The following TENM2 variants were observed in gnomAD, a reference collection of about 807,000 sequenced individuals.
TENM2 encodes the protein teneurin transmembrane protein 2.
A neutral mutation model predicts 245.2 loss-of-function variants in TENM2; 52 were observed. The observed-to-expected ratio is 0.21, with a 90% CI of 0.17 to 0.27. TENM2 has a LOEUF of 0.27. Ranked by LOEUF, TENM2 falls within the 10% of genes least tolerant of loss-of-function variation. TENM2 has a pLI of 1.00. For missense variants in TENM2, 3,046 were observed against 3,666.8 expected (o/e 0.83, Z 4.37); for synonymous variants, 1,363 against 1,438.9 (o/e 0.95, Z 1.19).
Position 168,187,692 on chromosome 5 carries a change from T to A in TENM2, c.2570-2645T>A, listed in dbSNP as rs1388059554. On this transcript the variant is annotated intron_variant, in intron 13 of 28. Coordinates refer to ENST00000518659, the Ensembl canonical transcript of TENM2. ...ATGTTCAAGGCAGAATTCTATGCAC[T>A]TTTTTTCTTCTTTTTCTTATGCTGC... 2.0e-5 allele frequency: 3 copies of A among 152,148 alleles called. No homozygotes were observed. In the East Asian group the frequency reaches 5.8e-4, roughly 29 times the overall value. 9.4% of individuals were successfully genotyped at this position (152,148 alleles called of 1,614,324 possible).
intron 2 of TENM2, among the ~76,000 whole-genome samples, chr5:167,824,785 A>G (rs899643164): frequency 5.9e-5 from 9 of 152,242 alleles, no homozygotes; most frequent in African/African-American, 2.2e-4. Context: ...AGTATGGTTT[A>G]TGTGAACACA....
chr5:167,897,779 T>C (rs1775336745), intron 3 of TENM2, among the ~76,000 whole-genome samples: 2 of 151,898 alleles, frequency 1.3e-5, no homozygotes, highest in Admixed American at 6.6e-5. Flanking sequence ...TATATAGATA[T>C]ATAGATTGAT....
At chr5:168,016,717 C>A (rs1207990582) in intron 5 of TENM2, among the ~76,000 whole-genome samples, 1 of 152,196 alleles carries the variant, frequency 6.6e-6, no homozygotes, top group Non-Finnish European at 1.5e-5. Flanking sequence ...TAGCTAACAG[C>A]AAAACCTCTG....
chr5:167,492,268 TATC>T (rs1317423696), intron 2 of TENM2, among the ~76,000 whole-genome samples: 1 of 152,100 alleles, frequency 6.6e-6, no homozygotes, highest in African/African-American at 2.4e-5. Context: ...AGAGAGATAT[TATC>T]ATTCTCATCA....
At chr5:167,997,204 G>A (rs1316243564) in intron 5 of TENM2, among the ~76,000 whole-genome samples, 5 of 152,136 alleles carry the variant, frequency 3.3e-5, no homozygotes, top group South Asian at 2.1e-4. Context: ...GTTGCAGGGC[G>A]AGCACTAGGC....
intron 3 of TENM2, among the ~76,000 whole-genome samples, chr5:167,910,037 C>T (rs532314852): frequency 4.0e-5 from 6 of 151,754 alleles, no homozygotes; most frequent in Non-Finnish European, 8.8e-5. Flanking sequence ...TCTCTTAGGA[C>T]TTCCACAAAA....
chr5:167,452,272 G>T (rs1454447230), intron 2 of TENM2, among the ~76,000 whole-genome samples: 1 of 152,130 alleles, frequency 6.6e-6, no homozygotes, highest in Admixed American at 6.5e-5. Context: ...TTAGAGATGA[G>T]TGTGGTCCTA....
At chr5:167,471,512 C>T (rs759687192) in intron 2 of TENM2, among the ~76,000 whole-genome samples, 24 of 152,036 alleles carry the variant, frequency 1.6e-4, no homozygotes, top group Non-Finnish European at 2.6e-4. Context: ...TAATCAGGTA[C>T]GCTGAAGTGG....
chr5:167,889,751 A>T lies in TENM2; in HGVS notation c.712+13556A>T, dbSNP rs115151765. 6.2e-3 allele frequency among the ~76,000 whole-genome samples: 937 copies of T among 152,196 alleles called. 5 individuals are homozygous for T. Among genetic ancestry groups the T allele is most frequent in the African/African-American group, 0.021 (888 of 41,526 alleles). On this transcript the variant is annotated intron_variant, in intron 3 of 28. Coordinates refer to ENST00000518659, the Ensembl canonical transcript of TENM2. ...AATTTGCTTTTAAAGATGAAAAGAGATAGGCTGGGACACCACCTGTTTACG... is the reference window on the plus strand; with the variant it reads ...AATTTGCTTTTAAAGATGAAAAGAGTTAGGCTGGGACACCACCTGTTTACG...
the TENM2 span, among the ~76,000 whole-genome samples, chr5:167,123,582 C>A: frequency 6.6e-6 from 1 of 152,158 alleles, no homozygotes; most frequent in African/African-American, 2.4e-5. Context: ...TGCAGTGTAT[C>A]CTCTGGTTTA....
At chr5:168,176,384 C>G (rs1759363084) in intron 13 of TENM2, among the ~76,000 whole-genome samples, 1 of 152,208 alleles carries the variant, frequency 6.6e-6, no homozygotes, top group African/African-American at 2.4e-5. Context: ...TCTTGCCATT[C>G]CTACAACTCA....
At chr5:167,235,326 G>T in the TENM2 span, among the ~76,000 whole-genome samples, 4 of 152,144 alleles carry the variant, frequency 2.6e-5, no homozygotes, top group Non-Finnish European at 4.4e-5. Context: ...TAGGGGCTAG[G>T]ACTTCAACAT....
chr5:167,761,975 G>A (rs1389263460), intron 2 of TENM2, among the ~76,000 whole-genome samples: 3 of 152,200 alleles, frequency 2.0e-5, no homozygotes, highest in Non-Finnish European at 2.9e-5. Context: ...CGAGCTAGGA[G>A]TGCCATTGGA....
intron 25 of TENM2, among the ~76,000 whole-genome samples, chr5:168,229,065 T>A (rs1041172443): frequency 6.7e-6 from 1 of 148,362 alleles, no homozygotes; most frequent in Non-Finnish European, 1.5e-5. Flanking sequence ...AATTAATGTA[T>A]AATTATATGT....
chr5:167,652,960 G>A (rs1295647513), intron 2 of TENM2, among the ~76,000 whole-genome samples: 3 of 152,128 alleles, frequency 2.0e-5, no homozygotes, highest in Non-Finnish European at 2.9e-5. Context: ...GACTTTCAGA[G>A]TCTAATGCAA....
At chr5:167,214,230 T>C in the TENM2 span, among the ~76,000 whole-genome samples, 1 of 152,198 alleles carries the variant, frequency 6.6e-6, no homozygotes, top group Admixed American at 6.5e-5. Flanking sequence ...CATTTTCATA[T>C]TGCATATACT....
intron 23 of TENM2, among the ~76,000 whole-genome samples, chr5:168,223,623 C>T (rs1027516802): frequency 1.1e-4 from 16 of 151,956 alleles, no homozygotes; most frequent in African/African-American, 1.9e-4. Context: ...CACGGCACTG[C>T]GCCCAGCTAA....
intron 9 of TENM2, among the ~76,000 whole-genome samples, chr5:168,112,890 T>C (rs1794791419): frequency 6.6e-6 from 1 of 152,250 alleles, no homozygotes; most frequent in African/African-American, 2.4e-5. Flanking sequence ...ACCAAGCTAC[T>C]AACCCATGTG....
intron 2 of TENM2, among the ~76,000 whole-genome samples, chr5:167,776,163 A>ACACACACACG: frequency 6.7e-6 from 1 of 149,580 alleles, no homozygotes; most frequent in Admixed American, 6.7e-5. Context: ...AAAAAAATCC[A>ACACACACACG]CACACACACA....
Sources: allele counts gnomAD v4.1 joint callset (sites outside exome capture counted in the v4.1 genomes callset), GRCh38; gene constraint gnomAD v4.1.1; transcripts MANE v1.5; gene names NCBI Gene and HGNC (gene_info 2026-07-23, HGNC 2026-07-21).